The following DAP variants were observed in gnomAD, a reference collection of about 807,000 sequenced individuals.
DAP encodes the protein death associated protein.
Under a neutral mutation model 13.8 loss-of-function variants are expected in DAP, and 8 were observed. The observed-to-expected ratio is 0.58, with a 90% CI of 0.34 to 1.05. The LOEUF is 1.05. Among genes scored for constraint, DAP ranks in the 50% least tolerant of loss-of-function variants. DAP has a pLI of 0.03. For missense variants in DAP, 106 were observed against 133.2 expected (o/e 0.80, Z 1.01); for synonymous variants, 47 against 47.5 (o/e 0.99, Z 0.04).
At chr5:10,686,538 T>G (rs955495863) in intron 2 of DAP, among the ~76,000 whole-genome samples, 7 of 152,148 alleles carry the variant, frequency 4.6e-5, no homozygotes, top group Non-Finnish European at 1.0e-4. Flanking sequence ...ATTGTTGATA[T>G]GGAGAAAGTT....
rs1424731538 is a variant in DAP, at chr5:10,680,100, CAGTT to C, written c.*952_*955del. ...CACACCAGGTGGGAGGCGTTTGGAA[CAGTT>C]AGACTCATCAGTGGATAGGTTTTTC... is the stretch of plus-strand genomic sequence containing the variant. On this transcript the variant is annotated 3_prime_UTR_variant, in exon 4 of 4. Coordinates refer to ENST00000230895, the MANE Select transcript of DAP (RefSeq NM_004394.3). The C allele has an allele frequency of 6.5e-6, 1 of 152,910 alleles. No individual in the cohort carries two copies. Among genetic ancestry groups the C allele is most frequent in the African/African-American group, 2.4e-5 (1 of 41,452 alleles). 9.5% of individuals were successfully genotyped at this position (152,910 alleles called of 1,614,324 possible).
intron 2 of DAP, among the ~76,000 whole-genome samples, chr5:10,733,581 G>A (rs1043494109): frequency 6.6e-5 from 10 of 152,108 alleles, no homozygotes; most frequent in African/African-American, 2.2e-4. Flanking sequence ...CACCACCCTT[G>A]ATACTCCAGC....
intron 2 of DAP, among the ~76,000 whole-genome samples, chr5:10,700,996 G>A (rs545814422): frequency 1.3e-5 from 2 of 152,386 alleles, no homozygotes; most frequent in Admixed American, 6.5e-5. Flanking sequence ...TGAAATGCCT[G>A]TGTCTGTGCT....
At chr5:10,754,936 G>A (rs2111398782) in intron 1 of DAP, among the ~76,000 whole-genome samples, 1 of 152,284 alleles carries the variant, frequency 6.6e-6, no homozygotes. Context: ...GAACCTGTGA[G>A]TGTGCTGGGC....
chr5:10,682,766 G>A (rs1738056530), intron 3 of DAP, among the ~76,000 whole-genome samples: 1 of 152,262 alleles, frequency 6.6e-6, no homozygotes, highest in African/African-American at 2.4e-5. Context: ...GCCCCATGCC[G>A]TGAGACACAG....
intron 1 of DAP, among the ~76,000 whole-genome samples, chr5:10,758,776 T>C (rs766413887): frequency 6.6e-6 from 1 of 152,224 alleles, no homozygotes; most frequent in Non-Finnish European, 1.5e-5. Flanking sequence ...ACAAATAAGC[T>C]GCCTCTTCCC....
At chr5:10,698,203 C>G (rs189717129) in intron 2 of DAP, among the ~76,000 whole-genome samples, 73 of 139,362 alleles carry the variant, frequency 5.2e-4, no homozygotes, top group African/African-American at 1.9e-3. Context: ...TGCTACCTGA[C>G]TGGAAATGCT....
At chr5:10,721,469 G>A (rs1739138932) in intron 2 of DAP, among the ~76,000 whole-genome samples, 1 of 152,170 alleles carries the variant, frequency 6.6e-6, no homozygotes, top group African/African-American at 2.4e-5. Context: ...TTACAGTGTT[G>A]GCTGGGGTGA....
intron 2 of DAP, among the ~76,000 whole-genome samples, chr5:10,726,375 T>G (rs1739288628): frequency 6.6e-6 from 1 of 152,216 alleles, no homozygotes; most frequent in African/African-American, 2.4e-5. Flanking sequence ...TAAGTGCTGC[T>G]CACAGCGTGG....
At chr5:10,694,988 C>T (rs1041459191) in intron 2 of DAP, among the ~76,000 whole-genome samples, 2 of 152,174 alleles carry the variant, frequency 1.3e-5, no homozygotes, top group African/African-American at 2.4e-5. Context: ...CCCAGTAAGT[C>T]GATGGAAAAC....
rs539168292 is a variant in DAP at position 10,739,959 on chromosome 5, G to A, written c.152+8216C>T. On this transcript the variant is annotated intron_variant, in intron 2 of 3. Transcript: ENST00000230895. ...TTTACTTAAAAATTAAAAGACCCTC[G>A]AAGAAGTGATGTGACCCACTGTAAA... Among the ~76,000 whole-genome samples, 16 of 152,182 alleles carry A rather than the reference G, an allele frequency of 1.1e-4. No homozygotes were observed. In the South Asian group the frequency reaches 1.9e-3, roughly 18 times the overall value.
chr5:10,703,523 T>C (rs1738629660), intron 2 of DAP, among the ~76,000 whole-genome samples: 1 of 152,192 alleles, frequency 6.6e-6, no homozygotes, highest in Non-Finnish European at 1.5e-5. Context: ...ATTGAGGAAG[T>C]AGTCCAGTGA....
At chr5:10,737,637 C>A (rs1317427533) in intron 2 of DAP, among the ~76,000 whole-genome samples, 1 of 152,202 alleles carries the variant, frequency 6.6e-6, no homozygotes, top group Non-Finnish European at 1.5e-5. Context: ...TAAGCTGGCA[C>A]ATTGCTGGGC....
At position 10,717,592 on chromosome 5, in the gene DAP, T is replaced by C. The variant is rs186143222; in HGVS notation, c.152+30583A>G. Among the ~76,000 whole-genome samples, 12 of 152,332 alleles carry C rather than the reference T, an allele frequency of 7.9e-5. No homozygotes were observed. The East Asian group carries it at 2.1e-3, about 27-fold the overall frequency. The stretch of plus-strand genomic sequence containing the variant: ...CTGAGGAGATAAACCCTGCGCTGCC[T>C]GAGGGAACAGTGATGACCTCTTCTG... On this transcript the variant is annotated intron_variant, in intron 2 of 3. Transcript: ENST00000230895.
chr5:10,701,569 A>T (rs559889156), intron 2 of DAP, among the ~76,000 whole-genome samples: 124 of 151,466 alleles, frequency 8.2e-4, no homozygotes, highest in Non-Finnish European at 1.5e-3. Flanking sequence ...AGTTTCTTAA[A>T]ATAAATAAAT....
At chr5:10,741,984 A>G (rs1174158016) in intron 2 of DAP, among the ~76,000 whole-genome samples, 2 of 152,224 alleles carry the variant, frequency 1.3e-5, no homozygotes, top group East Asian at 3.8e-4. Flanking sequence ...AGACTACGCA[A>G]ATATCCTGTT....
intron 1 of DAP, among the ~76,000 whole-genome samples, chr5:10,759,146 C>G (rs1740273992): frequency 2.6e-5 from 4 of 152,250 alleles, no homozygotes; most frequent in Admixed American, 2.6e-4. Flanking sequence ...AAGATCGTGC[C>G]ACTGCACTCC....
intron 2 of DAP, among the ~76,000 whole-genome samples, chr5:10,730,687 C>T (rs547615145): frequency 8.8e-6 from 1 of 114,108 alleles, no homozygotes. Flanking sequence ...GGGGGGGAAT[C>T]TTTCTCTATT....
chr5:10,755,327 C>CT (rs1390769100), intron 1 of DAP, among the ~76,000 whole-genome samples: 1 of 152,196 alleles, frequency 6.6e-6, no homozygotes, highest in Non-Finnish European at 1.5e-5. Context: ...CCTGTGGATA[C>CT]TTTGATTTTA....
Sources: allele counts gnomAD v4.1 joint callset (sites outside exome capture counted in the v4.1 genomes callset), GRCh38; gene constraint gnomAD v4.1.1; transcripts MANE v1.5; gene names NCBI Gene and HGNC (gene_info 2026-07-23, HGNC 2026-07-21).